NAMPT: variants seen among roughly 807,000 people sequenced by gnomAD.
NAMPT encodes the protein nicotinamide phosphoribosyltransferase.
NAMPT carries 7 observed loss-of-function variants against 58.7 expected under a neutral mutation model. The ratio of observed to expected loss-of-function variants is 0.12; its 90% CI spans 0.07 to 0.22. The LOEUF (loss-of-function observed/expected upper bound fraction) is 0.22. NAMPT is among the 10% of genes least tolerant of loss of function. The pLI, the probability that NAMPT is intolerant of heterozygous loss-of-function variation, is 1.00. For missense variants in NAMPT, 271 were observed against 567.9 expected (o/e 0.48, Z 5.31); for synonymous variants, 145 against 198.1 (o/e 0.73, Z 2.25).
At chr7:106,284,738 A>AC in intron 1 of NAMPT, 90 bp downstream of exon 1, 9 of 485,994 alleles carry the variant, frequency 1.9e-5, no homozygotes, top group African/African-American at 2.8e-5. Context: ...CCCAGCCCCA[A>AC]CCCCAGCCCC....
At chr7:106,285,534 T>TA, upstream of NAMPT, 2 of 986,122 alleles carry the variant, frequency 2.0e-6, no homozygotes, top group Non-Finnish European at 2.4e-6. Context: ...CACGCGCAGT[T>TA]ACTCACCTTT....
At chr7:106,268,721 T>C (rs753649131) in intron 5 of NAMPT, 121 bp from the exon 6 acceptor site, 7 of 708,174 alleles carry the variant, frequency 9.9e-6, no homozygotes, top group Non-Finnish European at 1.7e-5. Flanking sequence ...GTCTTTCTCT[T>C]AGGAAAGTAT....
chr7:106,259,370 A>ATGATG (rs896250623), intron 8 of NAMPT, among the ~76,000 whole-genome samples: 9 of 152,230 alleles, frequency 5.9e-5, no homozygotes, highest in Admixed American at 5.9e-4. Flanking sequence ...CCCATGAAGC[A>ATGATG]TGATGTTCTT....
chr7:106,272,439 T>C (rs775739348), intron 4 of NAMPT, 91 bp downstream of exon 4: 333 of 1,188,148 alleles, frequency 2.8e-4, no homozygotes, highest in Non-Finnish European at 3.7e-4. Flanking sequence ...GGAGATTATA[T>C]AGCTTTATTA....
At chr7:106,259,658 C>T (rs113263823) in intron 8 of NAMPT, among the ~76,000 whole-genome samples, 14 of 152,044 alleles carry the variant, frequency 9.2e-5, no homozygotes, top group African/African-American at 2.9e-4. Context: ...CTCCTGATTG[C>T]GTGATCTGCC....
At chr7:106,283,342 T>C (rs1208569755) in intron 1 of NAMPT, among the ~76,000 whole-genome samples, 1 of 152,128 alleles carries the variant, frequency 6.6e-6, no homozygotes, top group Non-Finnish European at 1.5e-5. Context: ...TTACATTCCT[T>C]ATGTATAATG....
At chr7:106,276,843 CAAAAAAAAAAA>C in intron 2 of NAMPT, 169 bp downstream of exon 2, 1 of 419,486 alleles carries the variant, frequency 2.4e-6, no homozygotes, top group South Asian at 2.8e-5. Context: ...ACTCGGTTTC[CAAAAAAAAAAA>C]AAAACCTTTT....
At chr7:106,264,509 G>T (rs1419982510) in intron 6 of NAMPT, among the ~76,000 whole-genome samples, 1 of 151,974 alleles carries the variant, frequency 6.6e-6, no homozygotes, top group Non-Finnish European at 1.5e-5. Context: ...AGCATCCCCA[G>T]TTCTGAAATC....
At chr7:106,284,778 G>A in intron 1 of NAMPT, 50 bp downstream of exon 1, 1 of 1,107,884 alleles carries the variant, frequency 9.0e-7, no homozygotes, top group Non-Finnish European at 1.1e-6. Flanking sequence ...CCGCGCGCTC[G>A]TCCCCAGCGC....
chr7:106,268,448 G>T lies in NAMPT; in HGVS notation c.743+16C>A. On this transcript the variant is annotated intron_variant, in intron 6 of 10. Transcript: ENST00000222553. ...GAAAAAATTAGTAGTTTTAAAAAAT[G>T]AACAGAATTTTTTACCTGTGTTCTG... 1 of 1,589,972 alleles carries T rather than the reference G, an allele frequency of 6.3e-7. No individual in the cohort carries two copies. The highest frequency in any genetic ancestry group is 1.1e-5 in the South Asian group (1 of 87,092).
At chr7:106,264,665 A>C (rs1387560519) in intron 6 of NAMPT, among the ~76,000 whole-genome samples, 1 of 152,080 alleles carries the variant, frequency 6.6e-6, no homozygotes, top group East Asian at 1.9e-4. Context: ...AAAAGATCTC[A>C]AACAACTTAA....
Position 106,254,501 on chromosome 7 carries a change from C to T in NAMPT, c.1093G>A (p.Val365Ile), listed in dbSNP as rs751460628. ...GVDINTLQEI[V>I]EGMKQKMWSI... ...CACATTTTTTGTTTCATGCCTTCTACAATCTAGAAGATTAAAACAAAACAA... is the reference window on the plus strand; with the variant it reads ...CACATTTTTTGTTTCATGCCTTCTATAATCTAGAAGATTAAAACAAAACAA... Residue 365 changes from valine to isoleucine, a missense_variant, in exon 9 of 11, where the codon GTA (valine) becomes ATA (isoleucine). This residue lies in a region of NAMPT where 143 missense variants were observed against 331.1 expected (regional missense o/e 0.43). Transcript: ENST00000222553. 6 of 1,613,434 alleles carry T rather than the reference C, an allele frequency of 3.7e-6. No homozygotes were observed. The South Asian group carries it at 5.5e-5, about 15-fold the overall frequency.
In NAMPT at chr7:106,253,078, G is replaced by A. The variant is rs146170636; in HGVS notation, c.1304C>T (p.Thr435Met). 32 of 1,613,254 alleles carry A rather than the reference G, an allele frequency of 2.0e-5. No individual in the cohort carries two copies. The highest frequency in any genetic ancestry group is 1.2e-4 in the African/African-American group (9 of 74,922). Reference sequence around the variant, plus strand: ...CAGTGTAACAAAATTCCCTGCTGGCGTCCTATGTAAAGATAATCGGCCCTT... The same window carrying A: ...CAGTGTAACAAAATTCCCTGCTGGCATCCTATGTAAAGATAATCGGCCCTT... ...SKKGRLSLHR[T>M]PAGNFVTLEE... The change falls in exon 10 of 11, where the codon ACG (threonine) becomes ATG (methionine). Residue 435 changes from threonine to methionine, a missense_variant. Around this residue, in one of 4 missense-constraint regions of NAMPT, gnomAD observed 143 missense variants for 331.1 expected, o/e 0.43. Transcript: ENST00000222553.
chr7:106,284,736 C>CCCCA lies in NAMPT; in HGVS notation c.57+91_57+92insTGGG. ...GCGACCCTAGCCCCAGCCCCAGCCC[C>CCCCA]AACCCCAGCCCCAGCCGCCCCCGCC... On this transcript the variant is annotated intron_variant, in intron 1 of 10. Coordinates refer to ENST00000222553, the MANE Select transcript of NAMPT (RefSeq NM_005746.3). 2.0e-5 allele frequency: 16 copies of CCCCA among 787,902 alleles called. 1 individual carries two copies. The highest frequency in any genetic ancestry group is 2.6e-5 in the Non-Finnish European group (15 of 580,080). The allele number at this position is 787,902 out of a possible 1,614,324, so 48.8% of individuals were successfully genotyped here. A position where few individuals can be genotyped will look rare whatever the true frequency, so the allele number is the denominator to read the frequency against.
At chr7:106,255,701 C>T (rs190543089) in intron 8 of NAMPT, among the ~76,000 whole-genome samples, 22 of 152,262 alleles carry the variant, frequency 1.4e-4, no homozygotes, top group Non-Finnish European at 2.4e-4. Context: ...TTAGGATGCA[C>T]GCAAATCCAG....
At chr7:106,255,019 T>C (rs1320569343) in intron 8 of NAMPT, among the ~76,000 whole-genome samples, 1 of 152,192 alleles carries the variant, frequency 6.6e-6, no homozygotes, top group Non-Finnish European at 1.5e-5. Flanking sequence ...ACTTCTCCTA[T>C]ATAACAGTTG....
Position 106,249,922 on chromosome 7 carries a change from A to C in NAMPT, c.*1161T>G, listed in dbSNP as rs1299360001. On this transcript the variant is annotated 3_prime_UTR_variant, in exon 11 of 11. Coordinates refer to ENST00000222553, the MANE Select transcript of NAMPT (RefSeq NM_005746.3). ...CAAGCACTTTGAATTTAGCCAACTT[A>C]AGATTCTTCTATTGAAACACATGTC... is the stretch of plus-strand genomic sequence containing the variant. 4 of 152,050 alleles carry C rather than the reference A, an allele frequency of 2.6e-5. No homozygotes were observed. The highest frequency in any genetic ancestry group is 5.9e-5 in the Non-Finnish European group (4 of 67,946). The allele number at this position is 152,050 out of a possible 1,614,324, so 9.4% of individuals were successfully genotyped here.
chr7:106,272,693 C>T (rs750307440), intron 3 of NAMPT, 35 bp from the exon 4 acceptor site: 2 of 1,607,106 alleles, frequency 1.2e-6, no homozygotes, highest in Non-Finnish European at 1.7e-6. Flanking sequence ...ATTTATTCAA[C>T]AGATGATACT....
chr7:106,273,043 A>G (rs1312560930), intron 3 of NAMPT, among the ~76,000 whole-genome samples: 1 of 152,218 alleles, frequency 6.6e-6, no homozygotes, highest in Non-Finnish European at 1.5e-5. Context: ...CCTTTATTCT[A>G]AATTCGTTAT....
Sources: allele counts gnomAD v4.1 joint callset (sites outside exome capture counted in the v4.1 genomes callset), GRCh38; gene constraint gnomAD v4.1.1; regional missense constraint gnomAD v4.1.1; transcripts MANE v1.5; gene names NCBI Gene and HGNC (gene_info 2026-07-23, HGNC 2026-07-21).